The following COL11A1 variants were observed in gnomAD, a reference collection of about 807,000 sequenced individuals.
COL11A1 encodes the protein collagen alpha-1(XI) chain.
COL11A1 carries 74 observed loss-of-function variants against 265.2 expected under a neutral mutation model. That is an observed-to-expected ratio of 0.28 (90% confidence interval 0.23 to 0.34). COL11A1 has a LOEUF of 0.34. Ranked by LOEUF, COL11A1 falls within the 10% of genes least tolerant of loss-of-function variation. COL11A1 has a pLI of 1.00. For synonymous variants in COL11A1, 816 were observed against 727.6 expected (o/e 1.12, Z -1.96); for missense variants, 2,165 against 2,263.6 (o/e 0.96, Z 0.88).
chr1:102,927,449 G>A (rs1214593472), intron 46 of COL11A1, among the ~76,000 whole-genome samples: 1 of 152,176 alleles, frequency 6.6e-6, no homozygotes, highest in Non-Finnish European at 1.5e-5. Flanking sequence ...AGGCGCAGTG[G>A]CTCACGCCTG....
intron 49 of COL11A1, among the ~76,000 whole-genome samples, chr1:102,918,649 A>T (rs1384885145): frequency 1.6e-5 from 2 of 124,878 alleles, no homozygotes; most frequent in East Asian, 2.0e-4. Flanking sequence ...GCTGTCACAT[A>T]AAAAAAAATC....
intron 35 of COL11A1, among the ~76,000 whole-genome samples, chr1:102,975,267 A>AG (rs938194530): frequency 1.4e-5 from 2 of 142,488 alleles, no homozygotes; most frequent in African/African-American, 5.3e-5. Context: ...GCCCCGCTTA[A>AG]AAAAAAAAAA....
At chr1:102,906,404 T>G (rs1653985519) in intron 54 of COL11A1, among the ~76,000 whole-genome samples, 1 of 152,130 alleles carries the variant, frequency 6.6e-6, no homozygotes. Flanking sequence ...CTTCAATTTT[T>G]GGGTTTACTT....
intron 66 of COL11A1, 96 bp downstream of exon 66, chr1:102,879,587 T>A: frequency 9.7e-7 from 1 of 1,034,494 alleles, no homozygotes; most frequent in Non-Finnish European, 1.5e-6. Flanking sequence ...ACAACTGACG[T>A]CCATTTCATG....
At chr1:102,960,456 G>T (rs891575325) in intron 41 of COL11A1, among the ~76,000 whole-genome samples, 12 of 140,440 alleles carry the variant, frequency 8.5e-5, no homozygotes, top group Non-Finnish European at 1.6e-5. Flanking sequence ...TCTAAAAATG[G>T]AGATATAATA....
chr1:102,917,839 A>G (rs1047769215), intron 49 of COL11A1, among the ~76,000 whole-genome samples: 2 of 151,824 alleles, frequency 1.3e-5, no homozygotes, highest in African/African-American at 4.8e-5. Flanking sequence ...CTTCAAAAAA[A>G]GTATGAGCTT....
chr1:102,930,085 C>T (rs1320675491), intron 46 of COL11A1, among the ~76,000 whole-genome samples: 2 of 152,262 alleles, frequency 1.3e-5, no homozygotes, highest in Non-Finnish European at 2.9e-5. Context: ...CCCTTTATTT[C>T]CTTCTCCTGC....
intron 4 of COL11A1, among the ~76,000 whole-genome samples, chr1:103,065,108 T>C (rs1186056712): frequency 6.6e-6 from 1 of 152,170 alleles, no homozygotes; most frequent in African/African-American, 2.4e-5. Flanking sequence ...TCATATGGGA[T>C]ATTGATAATA....
intron 46 of COL11A1, among the ~76,000 whole-genome samples, chr1:102,933,952 A>G (rs1001924373): frequency 5.9e-5 from 9 of 151,454 alleles, no homozygotes; most frequent in South Asian, 2.1e-4. Flanking sequence ...TTCGGCTCGC[A>G]CACGGTGCGC....
chr1:102,895,320 G>T (rs1652284042), intron 57 of COL11A1, among the ~76,000 whole-genome samples: 1 of 152,124 alleles, frequency 6.6e-6, no homozygotes, highest in South Asian at 2.1e-4. Context: ...GTCTAAATAG[G>T]TAGCTGCCAA....
At chr1:103,043,538 A>G (rs1180061531) in intron 4 of COL11A1, among the ~76,000 whole-genome samples, 2 of 152,100 alleles carry the variant, frequency 1.3e-5, no homozygotes, top group Non-Finnish European at 2.9e-5. Flanking sequence ...TAAATGATCA[A>G]TAAATGGATC....
chr1:103,017,745 C>A, intron 11 of COL11A1, 75 bp downstream of exon 11: 5 of 1,284,084 alleles, frequency 3.9e-6, no homozygotes, highest in Non-Finnish European at 5.7e-6. Context: ...ACATGTTATA[C>A]TTGTAGAATA....
rs1570607935 is a variant in COL11A1 at position 102,879,765 on chromosome 1, G to A, written c.5192C>T (p.Ala1731Val). 6.2e-7 allele frequency: 1 copy of A among 1,613,834 alleles called. No homozygotes were observed. The highest frequency in any genetic ancestry group is 8.5e-7 in the Non-Finnish European group (1 of 1,179,904). Residue 1731 changes from alanine (A) to valine (V), a missense_variant, in exon 66 of 67, where the codon GCA (alanine) becomes GTA (valine). Coordinates refer to ENST00000370096, the MANE Select transcript of COL11A1 (RefSeq NM_001854.4). ...ATCATTTGATCCCAGGAAGCGAAGT[G>A]CTTTGTCATAACTTCCTGATGACAC... ...YDVSSGSYDK[A>V]LRFLGSNDEE...
chr1:102,925,002 TTA>T (rs1333637159), intron 46 of COL11A1, among the ~76,000 whole-genome samples: 1 of 151,542 alleles, frequency 6.6e-6, no homozygotes, highest in Non-Finnish European at 1.5e-5. Context: ...TTAATACATC[TTA>T]TATATGCTAT....
intron 38 of COL11A1, among the ~76,000 whole-genome samples, chr1:102,964,122 A>C (rs1209355588): frequency 6.6e-6 from 1 of 152,232 alleles, no homozygotes; most frequent in African/African-American, 2.4e-5. Context: ...CACAAGTCTC[A>C]GAAGTTTTAG....
At chr1:102,889,321 C>T (rs776295216) in intron 59 of COL11A1, 134 bp downstream of exon 59, 2 of 720,986 alleles carry the variant, frequency 2.8e-6, no homozygotes, top group East Asian at 2.6e-5. Flanking sequence ...TTTTTAAGAA[C>T]ATTACTGACT....
chr1:102,966,402 C>T (rs75458606), intron 37 of COL11A1, among the ~76,000 whole-genome samples: 4 of 152,050 alleles, frequency 2.6e-5, no homozygotes, highest in Non-Finnish European at 4.4e-5. Context: ...AGCAGTCTCA[C>T]GTTAGTATCA....
At chr1:103,045,911 C>T in intron 4 of COL11A1, among the ~76,000 whole-genome samples, 1 of 151,910 alleles carries the variant, frequency 6.6e-6, no homozygotes, top group East Asian at 1.9e-4. Flanking sequence ...ACGATGGTTT[C>T]CAGCTTCATC....
At chr1:102,965,379 T>C in intron 38 of COL11A1, 108 bp downstream of exon 38, 1 of 1,098,136 alleles carries the variant, frequency 9.1e-7, no homozygotes, top group Non-Finnish European at 1.4e-6. Flanking sequence ...AAATAAAAAA[T>C]ACATCATTTT....
Sources: allele counts gnomAD v4.1 joint callset (sites outside exome capture counted in the v4.1 genomes callset), GRCh38; gene constraint gnomAD v4.1.1; transcripts MANE v1.5; gene names NCBI Gene and HGNC (gene_info 2026-07-23, HGNC 2026-07-21).